The following STAU1 variants were observed in gnomAD, a reference collection of about 807,000 sequenced individuals.
The protein encoded by STAU1 is double-stranded RNA-binding protein Staufen homolog 1.
STAU1 carries 13 observed loss-of-function variants against 62.9 expected under a neutral mutation model. That is an observed-to-expected ratio of 0.21 (90% CI 0.13 to 0.33). STAU1 has a LOEUF of 0.33. Ranked by LOEUF, STAU1 falls within the 10% of genes least tolerant of loss-of-function variation. STAU1 has a pLI of 1.00. For missense variants in STAU1, 571 were observed against 712.1 expected, an observed-to-expected ratio of 0.80 and a Z score of 2.25; for synonymous variants, 269 against 265.1, an observed-to-expected ratio of 1.01 and a Z score of -0.14.
At chr20:49,183,992 C>T (rs959679503) in intron 1 of STAU1, among the ~76,000 whole-genome samples, 6 of 150,752 alleles carry the variant, frequency 4.0e-5, no homozygotes, top group African/African-American at 1.5e-4. Flanking sequence ...TGCAATGGCA[C>T]GATAACCGCT....
At chr20:49,143,800 C>T (rs1390568577) in intron 5 of STAU1, among the ~76,000 whole-genome samples, 2 of 152,182 alleles carry the variant, frequency 1.3e-5, no homozygotes, top group African/African-American at 4.8e-5. Flanking sequence ...AGAACTTAAA[C>T]ACAGCAAACC....
chr20:49,127,906 T>A (rs1042725191), intron 6 of STAU1, among the ~76,000 whole-genome samples: 1 of 149,204 alleles, frequency 6.7e-6, no homozygotes, highest in African/African-American at 2.5e-5. Context: ...TCCCAGCACT[T>A]TGGGAGGCCG....
rs926839544 is a variant in STAU1 at position 49,117,846 on chromosome 20, G to A, written c.1440C>T (p.His480=). 50 of 1,614,080 alleles carry A rather than the reference G, an allele frequency of 3.1e-5. No homozygotes were observed. The highest frequency in any genetic ancestry group is 1.6e-4 in the Middle Eastern group (1 of 6,084). Residue 480 remains histidine (H), a synonymous_variant, in exon 11 of 14, where the codon CAC becomes CAT. Coordinates refer to ENST00000371856, the MANE Select transcript of STAU1 (RefSeq NM_017453.4). The surrounding 1 kb of genome is among the most constrained non-coding windows in gnomAD (Gnocchi z 4.6). ...GTCTCGTGAGAGGTCCATGGGGTAC[G>A]TGGCCTGAAGAGATGTTATTCTTTA... is the stretch of plus-strand genomic sequence containing the variant. ...TILKNNISSG[H]VPHGPLTRPS...
chr20:49,118,127 C>A, intron 10 of STAU1, 31 bp from the exon 11 acceptor site: 1 of 1,597,096 alleles, frequency 6.3e-7, no homozygotes, highest in Non-Finnish European at 8.6e-7. Context: ...AAACACGAAT[C>A]CACATCCACA....
chr20:49,169,658 G>A (rs925164438), intron 2 of STAU1, among the ~76,000 whole-genome samples: 2 of 152,166 alleles, frequency 1.3e-5, no homozygotes, highest in East Asian at 1.9e-4. Context: ...GAAACGCAAA[G>A]ATTCTTCAGA....
chr20:49,182,127 T>C (rs8118105), intron 1 of STAU1, among the ~76,000 whole-genome samples: 59,700 of 151,964 alleles, frequency 0.39, 11,776 homozygotes, highest in Middle Eastern at 0.49. Flanking sequence ...TTTGAGGGAG[T>C]TCCCTGAGTC....
the STAU1 span, among the ~76,000 whole-genome samples, chr20:49,199,957 A>T: frequency 6.6e-6 from 1 of 152,026 alleles, no homozygotes. Flanking sequence ...AGGTCCTCCC[A>T]CCTTGGCCTC....
chr20:49,119,496 T>C (rs143655730), intron 9 of STAU1, among the ~76,000 whole-genome samples: 1 of 152,286 alleles, frequency 6.6e-6, no homozygotes, highest in Admixed American at 6.5e-5. Flanking sequence ...CATCTGATGT[T>C]TAACTCACAT....
upstream of STAU1, among the ~76,000 whole-genome samples, chr20:49,191,232 G>T (rs890272753): frequency 6.6e-6 from 1 of 151,892 alleles, no homozygotes; most frequent in Admixed American, 6.6e-5. Flanking sequence ...TCGCCATGTT[G>T]GCCAGGCTGG....
the STAU1 span, among the ~76,000 whole-genome samples, chr20:49,203,198 G>C: frequency 6.6e-6 from 1 of 152,230 alleles, no homozygotes; most frequent in South Asian, 2.1e-4. Flanking sequence ...CCCGAGGCGG[G>C]CAGATCACCT....
intron 3 of STAU1, among the ~76,000 whole-genome samples, chr20:49,165,038 A>C (rs1028925811): frequency 5.3e-5 from 8 of 151,850 alleles, no homozygotes; most frequent in Admixed American, 5.3e-4. Context: ...TGGGAATTTT[A>C]TTTATTTATT....
chr20:49,146,085 C>T (rs930004581), intron 5 of STAU1, among the ~76,000 whole-genome samples: 1 of 152,052 alleles, frequency 6.6e-6, no homozygotes, highest in Non-Finnish European at 1.5e-5. Context: ...GCCTGGGAAA[C>T]ATGGTGAAAC....
chr20:49,120,072 C>T lies in STAU1; in HGVS notation c.1023G>A (p.Lys341=). 1 of 1,614,220 alleles carries T rather than the reference C, an allele frequency of 6.2e-7. No individual in the cohort carries two copies. The highest frequency in any genetic ancestry group is 8.5e-7 in the Non-Finnish European group (1 of 1,180,042). The change falls in exon 9 of 14, where the codon AAG becomes AAA. Residue 341 remains lysine, a synonymous_variant. Transcript: ENST00000371856. ...EGTGTNKKVA[K]RNAAENMLEI... ...CCAGCATGTTCTCGGCTGCATTGCGCTTGGCCACCTTCTTGTTGGTGCCCG... is the reference window on the plus strand; with the variant it reads ...CCAGCATGTTCTCGGCTGCATTGCGTTTGGCCACCTTCTTGTTGGTGCCCG...
intron 2 of STAU1, among the ~76,000 whole-genome samples, chr20:49,168,414 G>A (rs568821161): frequency 6.6e-6 from 1 of 152,186 alleles, no homozygotes; most frequent in African/African-American, 2.4e-5. Context: ...TTTTCTAGAA[G>A]CTGAGAAAGG....
intron 5 of STAU1, among the ~76,000 whole-genome samples, chr20:49,142,561 T>C (rs978005101): frequency 2.0e-5 from 3 of 152,130 alleles, no homozygotes; most frequent in African/African-American, 7.2e-5. Context: ...ACTTGGGAGC[T>C]TCACAAGTTC....
In STAU1 at chr20:49,182,484, A is replaced by C. The variant is rs183010333; in HGVS notation, c.-160+5632T>G. Among the ~76,000 whole-genome samples the C allele has an allele frequency of 4.6e-5, 7 of 152,322 alleles. No individual in the cohort carries two copies. The East Asian group carries it at 1.3e-3, about 29-fold the overall frequency. The stretch of plus-strand genomic sequence containing the variant: ...ATTATCTCCTTAGCAGGTGAGAACA[A>C]TGGATTTGGCCAACATTATTCAAGC... On this transcript the variant is annotated intron_variant, in intron 1 of 13. Transcript: ENST00000371856.
chr20:49,194,587 T>C, the STAU1 span, among the ~76,000 whole-genome samples: 1 of 152,058 alleles, frequency 6.6e-6, no homozygotes, highest in African/African-American at 2.4e-5. Context: ...TTATTACTAT[T>C]ATTATTTTGA....
chr20:49,158,603 A>T (rs1568900184), intron 3 of STAU1: 1 of 908,100 alleles, frequency 1.1e-6, no homozygotes, highest in Non-Finnish European at 1.6e-6. Context: ...TGAGGTCAGG[A>T]GTTCGAGACC....
intron 3 of STAU1, chr20:49,159,149 A>T (rs1301593981): frequency 6.0e-6 from 4 of 662,032 alleles, no homozygotes; most frequent in South Asian, 1.2e-4. Context: ...GGAAAAAGCT[A>T]AAAAAAAAAA....
Sources: allele counts gnomAD v4.1 joint callset (sites outside exome capture counted in the v4.1 genomes callset), GRCh38; gene constraint gnomAD v4.1.1; non-coding constraint Gnocchi (gnomAD v3.1); transcripts MANE v1.5; gene names NCBI Gene and HGNC (gene_info 2026-07-23, HGNC 2026-07-21).